HOXC4: variants seen among roughly 807,000 people sequenced by gnomAD.
HOXC4 encodes homeobox protein Hox-C4.
A neutral mutation model predicts 25.5 loss-of-function variants in HOXC4; 15 were observed. The observed-to-expected ratio is 0.59, with a 90% CI of 0.39 to 0.91. The LOEUF is 0.91. HOXC4 is among the 40% of genes least tolerant of loss of function. The probability of loss-of-function intolerance (pLI) is 0.00; values close to 1 mark genes in which losing one functional copy is unlikely to be tolerated. For missense variants in HOXC4, 342 were observed against 352.4 expected (o/e 0.97, Z 0.24); for synonymous variants, 165 against 148.0 (o/e 1.11, Z -0.83).
chr12:54,052,569 T>TGGGGGGG (rs760468397), upstream of HOXC4, among the ~76,000 whole-genome samples: 1 of 126,172 alleles, frequency 7.9e-6, no homozygotes, highest in African/African-American at 3.2e-5. Context: ...CACCCCTAGC[T>TGGGGGGG]GGGGGGGGGG....
intron 1 of HOXC4, among the ~76,000 whole-genome samples, chr12:54,037,214 G>C (rs1426001738): frequency 6.6e-6 from 1 of 152,222 alleles, no homozygotes. Context: ...CTACGCTGAG[G>C]GTGCATAAGG....
chr12:54,049,821 T>G (rs1253994901), upstream of HOXC4, among the ~76,000 whole-genome samples: 1 of 151,098 alleles, frequency 6.6e-6, no homozygotes, highest in East Asian at 1.9e-4. Flanking sequence ...GCTATGAGCC[T>G]TGATTTAGTT....
At chr12:54,054,730 T>C in intron 1 of HOXC4, 120 bp from the exon 2 acceptor site, 1 of 675,428 alleles carries the variant, frequency 1.5e-6, no homozygotes, top group Non-Finnish European at 2.6e-6. Context: ...CATTTAAGCT[T>C]GATGACTTTA....
chr12:54,023,875 T>C (rs867180184), intron 1 of HOXC4, among the ~76,000 whole-genome samples: 34 of 152,278 alleles, frequency 2.2e-4, no homozygotes, highest in Middle Eastern at 3.4e-3. Context: ...TGCTTTGGTG[T>C]TCCCAAACAG....
At chr12:54,034,565 C>A in intron 1 of HOXC4, 1 of 1,303,312 alleles carries the variant, frequency 7.7e-7, no homozygotes, top group Non-Finnish European at 1.1e-6. Flanking sequence ...TTCGCCTTTC[C>A]TCTCTATATT....
At chr12:54,038,340 A>T (rs1941221138) in intron 1 of HOXC4, among the ~76,000 whole-genome samples, 2 of 152,236 alleles carry the variant, frequency 1.3e-5, no homozygotes, top group African/African-American at 2.4e-5. Context: ...CGGCAGCAAC[A>T]AGGGTGTTTG....
In HOXC4 at chr12:54,055,238, C is replaced by T; in HGVS notation, c.*33C>T. 6.8e-6 allele frequency: 7 copies of T among 1,030,766 alleles called. No individual in the cohort carries two copies. The highest frequency in any genetic ancestry group is 9.5e-6 in the Non-Finnish European group (7 of 740,330). The allele number at this position is 1,030,766 out of a possible 1,614,324, so 63.9% of individuals were successfully genotyped here. On this transcript the variant is annotated 3_prime_UTR_variant, in exon 2 of 2. Coordinates refer to ENST00000430889, the MANE Select transcript of HOXC4 (RefSeq NM_153633.3). ...CTCACACCCCTGCCCCCACCCCATG[C>T]CCCCACCCTCCCCTCACACACAAAT...
intron 1 of HOXC4, among the ~76,000 whole-genome samples, chr12:54,019,269 T>C (rs1327986670): frequency 2.1e-5 from 3 of 144,720 alleles, no homozygotes; most frequent in Admixed American, 1.4e-4. Context: ...GAAAAGCGCT[T>C]GGCTCTCCCC....
intron 1 of HOXC4, among the ~76,000 whole-genome samples, chr12:54,041,528 T>C (rs949341814): frequency 6.6e-6 from 1 of 152,094 alleles, no homozygotes; most frequent in Non-Finnish European, 1.5e-5. Context: ...TTGTCAACAA[T>C]CCCCTCATTG....
intron 1 of HOXC4, among the ~76,000 whole-genome samples, chr12:54,024,339 T>A (rs1421737391): frequency 6.6e-6 from 1 of 152,116 alleles, no homozygotes; most frequent in Non-Finnish European, 1.5e-5. Flanking sequence ...GCTCCAGTGC[T>A]TGGGTCCCCG....
rs1218847927 is a variant in HOXC4, at chr12:54,029,967, G to A, written c.-124+12553G>A. The A allele has an allele frequency of 1.9e-6, 3 of 1,538,792 alleles. No homozygotes were observed. In the East Asian group the frequency reaches 6.9e-5, roughly 35 times the overall value. On this transcript the variant is annotated intron_variant, in intron 1 of 3. Transcript: ENST00000303406. Reference sequence around the variant, plus strand: ...GAGGAGAAGCAGAAAGAGTGACCAGGACTGTCCCTGCCACCCCTCTCTCCC... The same window carrying A: ...GAGGAGAAGCAGAAAGAGTGACCAGAACTGTCCCTGCCACCCCTCTCTCCC...
chr12:54,029,823 A>G, intron 1 of HOXC4: 1 of 1,614,062 alleles, frequency 6.2e-7, no homozygotes, highest in Non-Finnish European at 8.5e-7. Context: ...ATCTGGTTCC[A>G]GAACCGCCGG....
chr12:54,027,274 C>T (rs1345575108), intron 1 of HOXC4, among the ~76,000 whole-genome samples: 1 of 152,168 alleles, frequency 6.6e-6, no homozygotes, highest in Non-Finnish European at 1.5e-5. Context: ...TGGGTGAGAG[C>T]TCCTTAGAAC....
chr12:54,054,123 T>C lies in HOXC4; in HGVS notation c.201T>C (p.Tyr67=). 1 of 1,613,996 alleles carries C rather than the reference T, an allele frequency of 6.2e-7. No individual in the cohort carries two copies. The highest frequency in any genetic ancestry group is 8.5e-7 in the Non-Finnish European group (1 of 1,179,990). Residue 67 remains tyrosine, a synonymous_variant, in exon 1 of 2, where the codon TAT becomes TAC. Transcript: ENST00000430889. ...PPRPSYPERQ[Y]SCTSLQGPGN... The stretch of plus-strand genomic sequence containing the variant: ...GCCCTAGCTACCCTGAGCGCCAGTA[T>C]AGCTGCACCAGTCTCCAGGGGCCCG...
At chr12:54,025,055 G>T (rs1177838329) in intron 1 of HOXC4, among the ~76,000 whole-genome samples, 1 of 152,142 alleles carries the variant, frequency 6.6e-6, no homozygotes, top group African/African-American at 2.4e-5. Context: ...GATTTGGGAG[G>T]CTAAGGGGCC....
chr12:54,032,337 C>T (rs986821368), intron 1 of HOXC4, among the ~76,000 whole-genome samples: 7 of 152,244 alleles, frequency 4.6e-5, no homozygotes, highest in African/African-American at 1.7e-4. Flanking sequence ...GGCGTCCTGT[C>T]TACCTCTTCA....
intron 1 of HOXC4, among the ~76,000 whole-genome samples, chr12:54,048,586 A>T (rs1031238731): frequency 1.3e-5 from 2 of 152,110 alleles, no homozygotes; most frequent in African/African-American, 4.8e-5. Flanking sequence ...ATGAATTCTG[A>T]TGCTGACCCT....
rs1021782622 is a variant in HOXC4, at chr12:54,030,139, A to G, written c.-124+12725A>G. On this transcript the variant is annotated intron_variant, in intron 1 of 3. Transcript: ENST00000303406. The stretch of plus-strand genomic sequence containing the variant: ...AGCTCTGGACCCCCTCCCTCACCGC[A>G]CAACTCTCTTTCACCACGCGCCTCC... 26 of 601,372 alleles carry G rather than the reference A, an allele frequency of 4.3e-5. No homozygotes were observed. The Middle Eastern group carries it at 1.1e-3, about 25-fold the overall frequency. 37.3% of individuals were successfully genotyped at this position (601,372 alleles called of 1,614,324 possible).
rs796328359 is a variant in HOXC4, at chr12:54,041,977, C to CTTTT, written c.-123-11168_-123-11165dup. Among the ~76,000 whole-genome samples the CTTTT allele has an allele frequency of 1.0e-4, 12 of 116,694 alleles. No individual in the cohort carries two copies. The East Asian group carries it at 1.8e-3, about 17-fold the overall frequency. The allele number at this position is 116,694 out of a possible 152,430, so 76.6% of individuals were successfully genotyped here. ...CGCGCCCAGCCTTTTCTTTTCTTTT[C>CTTTT]TTTTTTTTTTTTTTTTTTGAGATGG... On this transcript the variant is annotated intron_variant, in intron 1 of 3. Coordinates refer to the HOXC4 transcript ENST00000303406.
Sources: gnomAD v4.1 joint callset for allele counts (sites outside exome capture counted in the v4.1 genomes callset) on GRCh38, gnomAD v4.1.1 for gene constraint, MANE v1.5 for transcripts, NCBI Gene and HGNC (gene_info 2026-07-23, HGNC 2026-07-21) for gene names.